CLSTN2: variants seen among roughly 807,000 people sequenced by gnomAD.
The protein encoded by CLSTN2 is calsyntenin 2.
CLSTN2 carries 48 observed loss-of-function variants against 101.2 expected under a neutral mutation model. That is an observed-to-expected ratio of 0.47 (90% confidence interval 0.38 to 0.60). CLSTN2 has a LOEUF of 0.60. CLSTN2 is among the 20% of genes least tolerant of loss of function. CLSTN2 has a pLI of 0.00. For missense variants in CLSTN2, 1,160 were observed against 1,238.2 expected, an observed-to-expected ratio of 0.94 and a Z score of 0.95; for synonymous variants, 481 against 463.6, an observed-to-expected ratio of 1.04 and a Z score of -0.48.
intron 1 of CLSTN2, among the ~76,000 whole-genome samples, chr3:140,117,270 T>A (rs2009260720): frequency 6.6e-6 from 1 of 152,166 alleles, no homozygotes; most frequent in Admixed American, 6.5e-5. Context: ...GAATGTGTCC[T>A]ACACAGCTCA....
intron 1 of CLSTN2, among the ~76,000 whole-genome samples, chr3:140,011,681 TAA>T (rs1404502448): frequency 6.6e-6 from 1 of 152,188 alleles, no homozygotes; most frequent in Non-Finnish European, 1.5e-5. Context: ...TCTTGTGTCC[TAA>T]CATAAGCCTG....
intron 1 of CLSTN2, among the ~76,000 whole-genome samples, chr3:139,974,346 C>T (rs1935774166): frequency 6.6e-6 from 1 of 152,204 alleles, no homozygotes; most frequent in African/African-American, 2.4e-5. Flanking sequence ...CATGTTCACA[C>T]CTTCCTCCAT....
chr3:140,334,109 A>G (rs1425579852), intron 2 of CLSTN2, among the ~76,000 whole-genome samples: 1 of 152,176 alleles, frequency 6.6e-6, no homozygotes, highest in East Asian at 1.9e-4. Context: ...CTTGGGCCTC[A>G]GTTTCCTCAT....
intron 5 of CLSTN2, among the ~76,000 whole-genome samples, chr3:140,442,977 A>G (rs1271736164): frequency 6.6e-6 from 1 of 152,220 alleles, no homozygotes; most frequent in Non-Finnish European, 1.5e-5. Flanking sequence ...TGCCCAAATC[A>G]AAGCCATTCA....
Position 139,935,437 on chromosome 3 carries a change from C to A in CLSTN2, c.63C>A (p.Ser21Arg), listed in dbSNP as rs1411057828. The change falls in exon 1 of 17, where the codon AGC (serine) becomes AGA (arginine). Residue 21 changes from serine (S) to arginine (R), a missense_variant. Ser to Arg is a moderately radical substitution (Grantham distance 110). Transcript: ENST00000458420. This position sits in a 1 kb window ranked among gnomAD's most constrained non-coding sequence, Gnocchi z 5.5. Reference sequence around the variant, plus strand: ...TGGCGCTGGGCGTGGGGAGCGGCAGCGGCGGTGGCGGGGACAGCCGGCAGC... The same window carrying A: ...TGGCGCTGGGCGTGGGGAGCGGCAGAGGCGGTGGCGGGGACAGCCGGCAGC... Reference protein sequence around the residue: ...LLLALGVGSGSGGGGDSRQRR... With the variant: ...LLLALGVGSGRGGGGDSRQRR... 3.2e-6 allele frequency: 4 copies of A among 1,231,382 alleles called. No individual in the cohort carries two copies. In the South Asian group the frequency reaches 1.2e-4, roughly 38 times the overall value. 76.3% of individuals were successfully genotyped at this position (1,231,382 alleles called of 1,614,324 possible).
intron 5 of CLSTN2, among the ~76,000 whole-genome samples, chr3:140,422,577 T>C (rs1484664777): frequency 1.3e-5 from 2 of 152,032 alleles, no homozygotes; most frequent in East Asian, 3.9e-4. Flanking sequence ...TTGAACAAAG[T>C]AGAAAAGATG....
intron 1 of CLSTN2, among the ~76,000 whole-genome samples, chr3:140,115,203 T>C (rs1436670143): frequency 6.6e-6 from 1 of 152,200 alleles, no homozygotes; most frequent in Non-Finnish European, 1.5e-5. Flanking sequence ...AAACTATATC[T>C]TATTCTTCAG....
chr3:140,544,785 C>T (rs954813974), intron 9 of CLSTN2, among the ~76,000 whole-genome samples: 1 of 151,850 alleles, frequency 6.6e-6, no homozygotes, highest in Non-Finnish European at 1.5e-5. Flanking sequence ...GAGGGAGACA[C>T]ATGGTGGGCA....
intron 1 of CLSTN2, among the ~76,000 whole-genome samples, chr3:139,982,695 G>A (rs1295192831): frequency 6.6e-6 from 1 of 152,124 alleles, no homozygotes; most frequent in African/African-American, 2.4e-5. Context: ...ATGCATCATG[G>A]CTAAAGTCTC....
At chr3:140,190,441 A>G (rs2010543971) in intron 2 of CLSTN2, among the ~76,000 whole-genome samples, 1 of 129,634 alleles carries the variant, frequency 7.7e-6, no homozygotes, top group Admixed American at 7.4e-5. Flanking sequence ...ATAGCTACAA[A>G]AAAAAAAAAA....
chr3:140,041,327 G>A (rs928165218), intron 1 of CLSTN2, among the ~76,000 whole-genome samples: 8 of 152,294 alleles, frequency 5.3e-5, no homozygotes, highest in East Asian at 1.9e-4. Flanking sequence ...GTGCATGTGC[G>A]AAGGTTTTTA....
chr3:140,327,765 A>T (rs1479618272), intron 2 of CLSTN2, among the ~76,000 whole-genome samples: 1 of 152,218 alleles, frequency 6.6e-6, no homozygotes, highest in Non-Finnish European at 1.5e-5. Context: ...AGTACCATGC[A>T]CTTGATAAGT....
chr3:140,258,356 G>A (rs1380729404), intron 2 of CLSTN2, among the ~76,000 whole-genome samples: 2 of 152,148 alleles, frequency 1.3e-5, no homozygotes, highest in Admixed American at 6.6e-5. Context: ...TTATACACAG[G>A]TTTTTAATTT....
intron 4 of CLSTN2, among the ~76,000 whole-genome samples, chr3:140,406,581 C>T (rs954396090): frequency 2.0e-5 from 3 of 152,200 alleles, no homozygotes; most frequent in African/African-American, 7.2e-5. Context: ...GATAGTTTCT[C>T]CCACAGGCTC....
At chr3:139,965,624 G>T (rs1316837133) in intron 1 of CLSTN2, among the ~76,000 whole-genome samples, 2 of 152,148 alleles carry the variant, frequency 1.3e-5, no homozygotes, top group African/African-American at 4.8e-5. Context: ...CAGAGGACGG[G>T]GGCAAACACA....
intron 2 of CLSTN2, among the ~76,000 whole-genome samples, chr3:140,347,900 C>A (rs2087565413): frequency 6.6e-6 from 1 of 152,200 alleles, no homozygotes; most frequent in African/African-American, 2.4e-5. Flanking sequence ...CTAATGCTGG[C>A]AGCCTGGAGA....
intron 1 of CLSTN2, among the ~76,000 whole-genome samples, chr3:140,111,065 G>T (rs1376881099): frequency 6.6e-6 from 1 of 152,160 alleles, no homozygotes; most frequent in Non-Finnish European, 1.5e-5. Context: ...GGTTTAATGT[G>T]TATCACTCTA....
chr3:140,113,346 CTG>C (rs563391318), intron 1 of CLSTN2, among the ~76,000 whole-genome samples: 1 of 152,220 alleles, frequency 6.6e-6, no homozygotes, highest in Non-Finnish European at 1.5e-5. Flanking sequence ...TGCCTGCAGA[CTG>C]TGTGCAGACC....
intron 2 of CLSTN2, among the ~76,000 whole-genome samples, chr3:140,199,475 G>A (rs2010691188): frequency 6.6e-6 from 1 of 152,166 alleles, no homozygotes; most frequent in Non-Finnish European, 1.5e-5. Flanking sequence ...TTCTGATACA[G>A]GGCCAAATTT....
Sources: allele counts gnomAD v4.1 joint callset (sites outside exome capture counted in the v4.1 genomes callset), GRCh38; gene constraint gnomAD v4.1.1; non-coding constraint Gnocchi (gnomAD v3.1); transcripts MANE v1.5; gene names NCBI Gene and HGNC (gene_info 2026-07-23, HGNC 2026-07-21).